Variants in BICRAL observed in about 807,000 individuals in gnomAD.
BICRAL encodes BICRA like chromatin remodeling complex associated protein.
BICRAL carries 8 observed loss-of-function variants against 91.8 expected under a neutral mutation model. The ratio of observed to expected loss-of-function variants is 0.09; its 90% CI spans 0.05 to 0.16. The LOEUF is 0.16. BICRAL is among the 10% of genes least tolerant of loss of function. The pLI is 1.00. For synonymous variants in BICRAL, 445 were observed against 491.1 expected (o/e 0.91, Z 1.24); for missense variants, 1,038 against 1,310.9 (o/e 0.79, Z 3.21).
At chr6:42,820,536 G>A (rs992422879) in intron 2 of BICRAL, among the ~76,000 whole-genome samples, 8 of 152,038 alleles carry the variant, frequency 5.3e-5, no homozygotes, top group Non-Finnish European at 7.4e-5. Flanking sequence ...CTGTATCTAC[G>A]TGATGATCAT....
intron 6 of BICRAL, among the ~76,000 whole-genome samples, chr6:42,849,441 ATTT>A (rs34512306): frequency 7.4e-6 from 1 of 135,302 alleles, no homozygotes. Flanking sequence ...TTTAGAACAG[ATTT>A]TTTTTTTTTT....
chr6:42,856,092 T>C (rs1765342456), intron 9 of BICRAL, among the ~76,000 whole-genome samples, 175 bp downstream of exon 9: 1 of 151,922 alleles, frequency 6.6e-6, no homozygotes, highest in Admixed American at 6.6e-5. Flanking sequence ...TTTGGGAGTC[T>C]TAAGGCAGGA....
At chr6:42,843,551 C>T (rs1764875667) in intron 6 of BICRAL, among the ~76,000 whole-genome samples, 2 of 152,110 alleles carry the variant, frequency 1.3e-5, no homozygotes, top group South Asian at 4.1e-4. Context: ...TTAGATAGAA[C>T]TTGTGATTGA....
intron 10 of BICRAL, among the ~76,000 whole-genome samples, chr6:42,857,614 A>AAAATATATATATAT: frequency 2.1e-5 from 2 of 96,226 alleles, no homozygotes; most frequent in African/African-American, 1.3e-4. Context: ...AAAAAAAAAA[A>AAAATATATATATAT]ATATATATAT....
rs144252837 is a variant in BICRAL, at chr6:42,864,824, T to G, written c.2618T>G (p.Met873Arg). The G allele has an allele frequency of 2.6e-3, 4,136 of 1,614,116 alleles. 7 individuals are homozygous for G. The highest frequency in any genetic ancestry group is 3.1e-3 in the Non-Finnish European group (3,715 of 1,180,024). The change falls in exon 13 of 13, where the codon ATG becomes AGG. Residue 873 changes from methionine to arginine, a missense_variant. Met to Arg is a moderately conservative substitution (Grantham distance 91). Coordinates refer to ENST00000314073, the MANE Select transcript of BICRAL (RefSeq NM_001393499.1). The part of the protein sequence containing the change: ...DRAKTGVTEP[M>R]NHDQFHLVPN... ...GCCAAAACCGGTGTGACGGAACCCA[T>G]GAATCATGACCAGTTTCATCTAGTG...
intron 7 of BICRAL, among the ~76,000 whole-genome samples, chr6:42,853,064 CAAAAAAA>C (rs35328845): frequency 1.0e-5 from 1 of 97,716 alleles, no homozygotes; most frequent in Non-Finnish European, 2.0e-5. Flanking sequence ...GACCTTGTCT[CAAAAAAA>C]AAAAAAAAAA....
upstream of BICRAL, among the ~76,000 whole-genome samples, chr6:42,779,619 G>C (rs1762857390): frequency 6.6e-6 from 1 of 152,146 alleles, no homozygotes; most frequent in African/African-American, 2.4e-5. Context: ...TAAATATAAA[G>C]CATACATTAT....
At chr6:42,750,916 T>C (rs1358091812) in intron 1 of BICRAL, among the ~76,000 whole-genome samples, 4 of 126,310 alleles carry the variant, frequency 3.2e-5, no homozygotes, top group Non-Finnish European at 4.9e-5. Flanking sequence ...TTTAATACTT[T>C]AAGTTCTGGG....
chr6:42,768,825 C>T (rs954134608), intron 1 of BICRAL, among the ~76,000 whole-genome samples: 1 of 152,138 alleles, frequency 6.6e-6, no homozygotes, highest in African/African-American at 2.4e-5. Flanking sequence ...CACAGCTGAC[C>T]CAGTCTCTGT....
rs1252653323 is a variant in BICRAL, at chr6:42,783,990, TTGTC to T, written c.-102+1896_-102+1899del. Among the ~76,000 whole-genome samples, 5 of 152,268 alleles carry T rather than the reference TTGTC, an allele frequency of 3.3e-5. No individual in the cohort carries two copies. The East Asian group carries it at 5.8e-4, about 18-fold the overall frequency. Reference sequence around the variant, plus strand: ...AAACTAAAAAAAAGAGTCCAGGACATTGTCTGTCTGCCTTCCGGTAGCATGGTTC... The same window carrying T: ...AAACTAAAAAAAAGAGTCCAGGACATTGTCTGCCTTCCGGTAGCATGGTTC... On this transcript the variant is annotated intron_variant, in intron 1 of 12. Transcript: ENST00000314073.
intron 2 of BICRAL, 106 bp from the exon 3 acceptor site, chr6:42,821,910 TAC>T: frequency 1.6e-6 from 1 of 634,920 alleles, no homozygotes; most frequent in South Asian, 2.5e-5. Flanking sequence ...TCACGTGAAT[TAC>T]AGTTATTTAT....
At chr6:42,822,152 G>T in intron 3 of BICRAL, 89 bp downstream of exon 3, 1 of 715,940 alleles carries the variant, frequency 1.4e-6, no homozygotes, top group South Asian at 1.8e-5. Context: ...ACACCTGATA[G>T]GTATTTTAAA....
At chr6:42,832,409 GTATA>G (rs1008719988) in intron 6 of BICRAL, among the ~76,000 whole-genome samples, 1 of 145,830 alleles carries the variant, frequency 6.9e-6, no homozygotes, top group African/African-American at 2.5e-5. Flanking sequence ...ACATATATAT[GTATA>G]TATATAATAT....
rs543178595 is a variant in BICRAL, at chr6:42,816,784, G to A, written c.-5-5234G>A. ...AATCCCAGCACTTTGGGAGGCCGAG[G>A]CGGGCGGATCACGAGGTCAGGAGAT... On this transcript the variant is annotated intron_variant, in intron 2 of 12. Transcript: ENST00000314073. Among the ~76,000 whole-genome samples the A allele has an allele frequency of 3.9e-5, 6 of 152,198 alleles. No individual in the cohort carries two copies. The East Asian group carries it at 9.7e-4, about 25-fold the overall frequency.
At chr6:42,822,416 G>GTT (rs557170460) in intron 3 of BICRAL, among the ~76,000 whole-genome samples, 6 of 137,250 alleles carry the variant, frequency 4.4e-5, no homozygotes, top group Admixed American at 7.3e-5. Context: ...AATTTTTTGT[G>GTT]TTTTTTTTTT....
At chr6:42,784,040 C>T (rs13198778) in intron 1 of BICRAL, among the ~76,000 whole-genome samples, 69,114 of 152,014 alleles carry the variant, frequency 0.45, 17,526 homozygotes, top group African/African-American at 0.69. Flanking sequence ...CCCTACGCTT[C>T]GTTTCTTAGT....
At chr6:42,765,020 T>C (rs1762612313) in intron 1 of BICRAL, among the ~76,000 whole-genome samples, 1 of 152,230 alleles carries the variant, frequency 6.6e-6, no homozygotes, top group Admixed American at 6.5e-5. Flanking sequence ...TTGCACTTTA[T>C]GGGGCTCAGA....
chr6:42,826,299 A>G (rs1484129526), intron 5 of BICRAL, among the ~76,000 whole-genome samples: 3 of 139,634 alleles, frequency 2.1e-5, no homozygotes, highest in Non-Finnish European at 3.3e-5. Flanking sequence ...CAGTGGTGCA[A>G]TCTCGGCTCA....
At chr6:42,789,639 CA>C (rs11334649) in intron 1 of BICRAL, among the ~76,000 whole-genome samples, 46,502 of 109,824 alleles carry the variant, frequency 0.42, 6,908 homozygotes, top group South Asian at 0.51. Context: ...TAGACTGTCT[CA>C]AAAAAAAAAA....
Sources: gnomAD v4.1 joint callset for allele counts (sites outside exome capture counted in the v4.1 genomes callset) on GRCh38, gnomAD v4.1.1 for gene constraint, MANE v1.5 for transcripts, NCBI Gene and HGNC (gene_info 2026-07-23, HGNC 2026-07-21) for gene names.